Variants in FEZ2 observed in about 807,000 individuals in gnomAD.
The protein encoded by FEZ2 is fasciculation and elongation protein zeta-2.
Under a neutral mutation model 40.4 loss-of-function variants are expected in FEZ2, and 51 were observed. That is an observed-to-expected ratio of 1.26 (90% confidence interval 1.01 to 1.59). FEZ2 has a LOEUF of 1.59. Among genes scored for constraint, FEZ2 ranks in the 40% most tolerant of loss-of-function variants. FEZ2 has a pLI of 0.00. For missense variants in FEZ2, 640 were observed against 438.3 expected, an observed-to-expected ratio of 1.46 and a Z score of -4.11; for synonymous variants, 242 against 172.0, an observed-to-expected ratio of 1.41 and a Z score of -3.18.
In FEZ2 at chr2:36,574,475, A is replaced by C. The variant is rs543994836; in HGVS notation, c.903+4122T>G. On this transcript the variant is annotated intron_variant, in intron 5 of 7. Transcript: ENST00000405912. ...TTAGGGACATAAAACAGAGATAGGC[A>C]TGAAAACAAAAAATTGCAGTATGAT... 2.0e-5 allele frequency among the ~76,000 whole-genome samples: 3 copies of C among 151,474 alleles called. No homozygotes were observed. The South Asian group carries it at 6.2e-4, about 31-fold the overall frequency.
intron 3 of FEZ2, among the ~76,000 whole-genome samples, chr2:36,583,085 TG>T (rs1668799927): frequency 2.0e-5 from 3 of 152,222 alleles, no homozygotes. Flanking sequence ...TTTTCTGGTT[TG>T]GGGTTAAGCA....
At chr2:36,584,948 T>C (rs960210576) in intron 2 of FEZ2, among the ~76,000 whole-genome samples, 4 of 152,150 alleles carry the variant, frequency 2.6e-5, no homozygotes, top group African/African-American at 9.7e-5. Flanking sequence ...AACCCTATAA[T>C]GCAACTCCAG....
intron 2 of FEZ2, chr2:36,589,694 A>G (rs1411021815): frequency 6.6e-6 from 1 of 152,266 alleles, no homozygotes; most frequent in Non-Finnish European, 1.5e-5. Flanking sequence ...AATGACTGGC[A>G]CAGTCAGGAA....
At position 36,569,903 on chromosome 2, in the gene FEZ2, T is replaced by C. The variant is rs187999980; in HGVS notation, c.903+8694A>G. Reference sequence around the variant, plus strand: ...CATCTATTTCTGACTCTTACTCTAATCTACTCTTACTTCATTAATATTCTT... The same window carrying C: ...CATCTATTTCTGACTCTTACTCTAACCTACTCTTACTTCATTAATATTCTT... On this transcript the variant is annotated intron_variant, in intron 5 of 7. Coordinates refer to ENST00000405912, the MANE Select transcript of FEZ2 (RefSeq NM_005102.3). Among the ~76,000 whole-genome samples, 474 of 152,284 alleles carry C rather than the reference T, an allele frequency of 3.1e-3. 7 individuals are homozygous for C. Among genetic ancestry groups the C allele is most frequent in the African/African-American group, 0.011 (452 of 41,556 alleles).
intron 4 of FEZ2, chr2:36,579,177 G>A (rs981518838): frequency 1.2e-5 from 3 of 256,026 alleles, no homozygotes; most frequent in African/African-American, 7.1e-5. Context: ...GACTGTGAAG[G>A]CTTGTACACG....
At chr2:36,593,211 A>G (rs927554754) in intron 1 of FEZ2, among the ~76,000 whole-genome samples, 1 of 152,206 alleles carries the variant, frequency 6.6e-6, no homozygotes, top group African/African-American at 2.4e-5. Flanking sequence ...GGTGGGAGAC[A>G]AAAGGCACTT....
At chr2:36,587,337 G>C (rs1469259664) in intron 2 of FEZ2, among the ~76,000 whole-genome samples, 1 of 152,088 alleles carries the variant, frequency 6.6e-6, no homozygotes, top group African/African-American at 2.4e-5. Flanking sequence ...GCTGTCATGG[G>C]TATCATTATT....
rs1667834436 is a variant in FEZ2, at chr2:36,552,347, G to A, written c.*816C>T. The A allele has an allele frequency of 1.0e-5, 4 of 381,492 alleles. No homozygotes were observed. The highest frequency in any genetic ancestry group is 1.5e-5 in the Non-Finnish European group (3 of 197,304). 23.6% of individuals were successfully genotyped at this position (381,492 alleles called of 1,614,324 possible). On this transcript the variant is annotated 3_prime_UTR_variant, in exon 8 of 8. Transcript: ENST00000405912. The stretch of plus-strand genomic sequence containing the variant: ...GATATTGATGAATCCATAAGTAGCT[G>A]TATCTAGAATTCATACTTAAGAAAA...
Position 36,553,020 on chromosome 2 carries a change from G to A in FEZ2, c.*143C>T, listed in dbSNP as rs1667858786. On this transcript the variant is annotated 3_prime_UTR_variant, in exon 8 of 8. Coordinates refer to ENST00000405912, the MANE Select transcript of FEZ2 (RefSeq NM_005102.3). The stretch of plus-strand genomic sequence containing the variant: ...TGGTTCTATAATATAAAGAATTAGT[G>A]TAGTCAAGATCTGTTAATACTGAAT... 1.6e-6 allele frequency: 1 copy of A among 634,452 alleles called. No homozygotes were observed. The allele number at this position is 634,452 out of a possible 1,614,324, so 39.3% of individuals were successfully genotyped here.
intron 2 of FEZ2, 180 bp downstream of exon 2, chr2:36,590,723 G>A (rs1669046245): frequency 3.7e-6 from 2 of 535,304 alleles, no homozygotes; most frequent in Non-Finnish European, 6.7e-6. Flanking sequence ...AAGAACTGGA[G>A]GAATGTGCCA....
chr2:36,565,806 G>A (rs148926810), intron 5 of FEZ2, among the ~76,000 whole-genome samples: 1 of 152,156 alleles, frequency 6.6e-6, no homozygotes, highest in Non-Finnish European at 1.5e-5. Context: ...ACGGGGGTCA[G>A]TGTAGTGGGG....
At chr2:36,572,001 T>TG (rs1189406570) in intron 5 of FEZ2, among the ~76,000 whole-genome samples, 1 of 127,236 alleles carries the variant, frequency 7.9e-6, no homozygotes, top group Non-Finnish European at 1.6e-5. Flanking sequence ...AGCGGCTGAG[T>TG]GAGACTCCGT....
chr2:36,567,761 C>T (rs74720203), intron 5 of FEZ2, among the ~76,000 whole-genome samples: 2 of 115,812 alleles, frequency 1.7e-5, no homozygotes, highest in Non-Finnish European at 3.8e-5. Context: ...GACTCTGTCT[C>T]AAAAAAAAAA....
intron 5 of FEZ2, among the ~76,000 whole-genome samples, chr2:36,564,305 C>G (rs1573004672): frequency 2.0e-5 from 3 of 152,106 alleles, no homozygotes; most frequent in African/African-American, 2.4e-5. Flanking sequence ...ATATCCAAAA[C>G]TGAATTCAAT....
chr2:36,556,198 T>C, intron 6 of FEZ2: 1 of 309,778 alleles, frequency 3.2e-6, no homozygotes, highest in South Asian at 3.1e-5. Flanking sequence ...CCAACAAGCG[T>C]ATCCTGTCAG....
intron 5 of FEZ2, among the ~76,000 whole-genome samples, chr2:36,577,141 GT>G (rs1191391333): frequency 6.6e-6 from 1 of 151,934 alleles, no homozygotes; most frequent in Non-Finnish European, 1.5e-5. Context: ...TTGGTTTTGG[GT>G]TTTTTTCAGA....
At chr2:36,588,199 TGTATTTTTA>T (rs1457548077) in intron 2 of FEZ2, among the ~76,000 whole-genome samples, 1 of 152,024 alleles carries the variant, frequency 6.6e-6, no homozygotes, top group East Asian at 1.9e-4. Context: ...TGGCTAATTT[TGTATTTTTA>T]GTAGAGACGG....
rs1418845099 is a variant in FEZ2, at chr2:36,583,476, A to C, written c.376-7T>G. 1.5e-6 allele frequency: 2 copies of C among 1,359,314 alleles called. No individual in the cohort carries two copies. The allele number at this position is 1,359,314 out of a possible 1,614,324, so 84.2% of individuals were successfully genotyped here. A position where few individuals can be genotyped will look rare whatever the true frequency, so the allele number is the denominator to read the frequency against. ...AGAGCAAACTGTCACTTACCTAAAA[A>C]CAAAAATACCCATCATTAAAAGCAG... On this transcript the variant is annotated splice_region_variant and splice_polypyrimidine_tract_variant and intron_variant, in intron 2 of 7. Coordinates refer to ENST00000405912, the MANE Select transcript of FEZ2 (RefSeq NM_005102.3).
chr2:36,552,863 TGTCA>T lies in FEZ2; in HGVS notation c.*296_*299del. On this transcript the variant is annotated 3_prime_UTR_variant, in exon 8 of 8. Coordinates refer to ENST00000405912, the MANE Select transcript of FEZ2 (RefSeq NM_005102.3). ...AAGCCATAAAAACAAATGGGCATAC[TGTCA>T]GTTAATGAGAAATACAACTGCACAT... is the stretch of plus-strand genomic sequence containing the variant. 1 of 341,264 alleles carries T rather than the reference TGTCA, an allele frequency of 2.9e-6. No homozygotes were observed. Among genetic ancestry groups the T allele is most frequent in the Admixed American group, 4.5e-5 (1 of 22,352 alleles). 21.1% of individuals were successfully genotyped at this position (341,264 alleles called of 1,614,324 possible).
Sources: gnomAD v4.1 joint callset for allele counts (sites outside exome capture counted in the v4.1 genomes callset) on GRCh38, gnomAD v4.1.1 for gene constraint, MANE v1.5 for transcripts, NCBI Gene and HGNC (gene_info 2026-07-23, HGNC 2026-07-21) for gene names.